The following LHFPL3 variants were observed in gnomAD, a reference collection of about 807,000 sequenced individuals.
The protein encoded by LHFPL3 is LHFPL tetraspan subfamily member 3 protein.
In LHFPL3, 5 loss-of-function variants were observed where a neutral mutation model predicts 19.3. The observed-to-expected ratio is 0.26, with a 90% CI of 0.14 to 0.54. The LOEUF is 0.54. Among genes scored for constraint, LHFPL3 ranks in the 20% least tolerant of loss-of-function variants. The pLI, the probability that LHFPL3 is intolerant of heterozygous loss-of-function variation, is 0.94. For synonymous variants in LHFPL3, 133 were observed against 126.2 expected, an observed-to-expected ratio of 1.05 and a Z score of -0.36; for missense variants, 249 against 307.4, an observed-to-expected ratio of 0.81 and a Z score of 1.42.
chr7:104,827,600 C>A (rs900053502), intron 2 of LHFPL3, among the ~76,000 whole-genome samples: 1 of 151,178 alleles, frequency 6.6e-6, no homozygotes, highest in Non-Finnish European at 1.5e-5. Flanking sequence ...TCTCAAATAT[C>A]TGTTTTGTTT....
At chr7:104,423,656 T>A (rs1164319230) in intron 1 of LHFPL3, among the ~76,000 whole-genome samples, 1 of 152,028 alleles carries the variant, frequency 6.6e-6, no homozygotes, top group Admixed American at 6.5e-5. Flanking sequence ...CAAGACCCTG[T>A]CTCAAAAGCA....
chr7:104,556,905 T>C (rs1789849113), intron 1 of LHFPL3, among the ~76,000 whole-genome samples: 1 of 152,180 alleles, frequency 6.6e-6, no homozygotes, highest in Non-Finnish European at 1.5e-5. Flanking sequence ...AAGTTCAAAG[T>C]TCCACAAATC....
intron 1 of LHFPL3, among the ~76,000 whole-genome samples, chr7:104,604,087 G>T (rs1033349802): frequency 6.6e-6 from 1 of 152,160 alleles, no homozygotes; most frequent in Non-Finnish European, 1.5e-5. Flanking sequence ...CCTGCAGCAG[G>T]TTTCTGCCTT....
intron 1 of LHFPL3, among the ~76,000 whole-genome samples, chr7:104,394,248 G>A (rs1179189832): frequency 6.6e-6 from 1 of 152,182 alleles, no homozygotes; most frequent in Non-Finnish European, 1.5e-5. Context: ...GATTCAATAA[G>A]TCTGAGTGCA....
chr7:104,858,614 C>T (rs188229553), intron 2 of LHFPL3, among the ~76,000 whole-genome samples: 6 of 152,238 alleles, frequency 3.9e-5, no homozygotes, highest in Admixed American at 6.5e-5. Flanking sequence ...CCCCAACAGC[C>T]CCTGCTGGGA....
At chr7:104,554,672 TAGA>T (rs1562932794) in intron 1 of LHFPL3, among the ~76,000 whole-genome samples, 29 of 150,546 alleles carry the variant, frequency 1.9e-4, no homozygotes, top group African/African-American at 6.2e-4. Flanking sequence ...GATAGATAGA[TAGA>T]TAGATAGATA....
chr7:104,511,543 T>A (rs1369173650), intron 1 of LHFPL3, among the ~76,000 whole-genome samples: 1 of 152,210 alleles, frequency 6.6e-6, no homozygotes, highest in Non-Finnish European at 1.5e-5. Context: ...TCATTCATAA[T>A]AACCAATAAT....
chr7:104,621,523 C>T (rs1293321087), intron 1 of LHFPL3, among the ~76,000 whole-genome samples: 2 of 152,130 alleles, frequency 1.3e-5, no homozygotes, highest in Non-Finnish European at 2.9e-5. Flanking sequence ...CAGAGGACGC[C>T]CAGGAGCTCA....
At chr7:104,583,057 C>A (rs909512512) in intron 1 of LHFPL3, among the ~76,000 whole-genome samples, 22 of 151,746 alleles carry the variant, frequency 1.4e-4, no homozygotes, top group Non-Finnish European at 2.8e-4. Flanking sequence ...TAGAGATCAC[C>A]AGTACCATGC....
intron 1 of LHFPL3, among the ~76,000 whole-genome samples, chr7:104,676,369 G>A (rs537312684): frequency 3.3e-5 from 5 of 152,242 alleles, no homozygotes; most frequent in African/African-American, 1.2e-4. Flanking sequence ...ATGAAGTCAG[G>A]AAATTGTAAG....
At chr7:104,349,662 G>T (rs1180366424) in intron 1 of LHFPL3, among the ~76,000 whole-genome samples, 1 of 152,202 alleles carries the variant, frequency 6.6e-6, no homozygotes, top group African/African-American at 2.4e-5. Context: ...CATAGCACGT[G>T]TATACCTGTG....
chr7:104,858,335 T>C (rs1246299661), intron 2 of LHFPL3, among the ~76,000 whole-genome samples: 1 of 152,202 alleles, frequency 6.6e-6, no homozygotes, highest in Non-Finnish European at 1.5e-5. Flanking sequence ...CCCAGGTTGC[T>C]TTCTCCCACC....
chr7:104,806,900 T>C (rs1405292342), intron 2 of LHFPL3, among the ~76,000 whole-genome samples: 1 of 152,166 alleles, frequency 6.6e-6, no homozygotes, highest in Non-Finnish European at 1.5e-5. Context: ...AACAATACTC[T>C]TGGAAATCCT....
chr7:104,404,797 A>C (rs1015772735), intron 1 of LHFPL3, among the ~76,000 whole-genome samples: 1 of 152,212 alleles, frequency 6.6e-6, no homozygotes, highest in African/African-American at 2.4e-5. Flanking sequence ...CTAAATATTT[A>C]TTGAACCATT....
intron 1 of LHFPL3, among the ~76,000 whole-genome samples, chr7:104,721,394 G>C (rs546362703): frequency 3.9e-5 from 6 of 152,130 alleles, no homozygotes; most frequent in Non-Finnish European, 5.9e-5. Context: ...GTCGGGGAGT[G>C]GGGGAGCTAG....
intron 2 of LHFPL3, among the ~76,000 whole-genome samples, chr7:104,760,769 G>A (rs755776107): frequency 7.9e-5 from 12 of 152,078 alleles, no homozygotes; most frequent in South Asian, 2.1e-4. Flanking sequence ...GTTCCATCAC[G>A]TCTTGATTTA....
intron 1 of LHFPL3, among the ~76,000 whole-genome samples, chr7:104,639,786 G>A (rs1467278516): frequency 2.0e-5 from 3 of 152,084 alleles, no homozygotes; most frequent in African/African-American, 7.2e-5. Context: ...GATTCATGTG[G>A]GTTGATAATT....
chr7:104,844,430 T>G (rs1419714960), intron 2 of LHFPL3, among the ~76,000 whole-genome samples: 1 of 152,262 alleles, frequency 6.6e-6, no homozygotes, highest in Non-Finnish European at 1.5e-5. Flanking sequence ...CTTTTAAAGT[T>G]ACTCTGAATT....
chr7:104,346,081 G>A, intron 1 of LHFPL3, among the ~76,000 whole-genome samples: 1 of 150,110 alleles, frequency 6.7e-6, no homozygotes, highest in East Asian at 2.0e-4. Flanking sequence ...TGTTGCCCAG[G>A]CTGGAGTGCA....
Sources: gnomAD v4.1 joint callset for allele counts (sites outside exome capture counted in the v4.1 genomes callset) on GRCh38, gnomAD v4.1.1 for gene constraint, MANE v1.5 for transcripts, NCBI Gene and HGNC (gene_info 2026-07-23, HGNC 2026-07-21) for gene names.